Variants in NGF observed in about 807,000 individuals in gnomAD.
The protein encoded by NGF is nerve growth factor, also known as beta-nerve growth factor.
NGF carries 4 observed loss-of-function variants against 12.8 expected under a neutral mutation model. The observed-to-expected ratio is 0.31, with a 90% CI of 0.15 to 0.72. The LOEUF (loss-of-function observed/expected upper bound fraction) is 0.72. Ranked by LOEUF, NGF falls within the 30% of genes least tolerant of loss-of-function variation. The pLI, the probability that NGF is intolerant of heterozygous loss-of-function variation, is 0.69. For missense variants in NGF, 283 were observed against 330.8 expected (o/e 0.86, Z 1.12); for synonymous variants, 140 against 130.0 (o/e 1.08, Z -0.52).
chr1:115,313,079 C>T (rs1295672752), intron 1 of NGF, among the ~76,000 whole-genome samples: 1 of 152,050 alleles, frequency 6.6e-6, no homozygotes, highest in Non-Finnish European at 1.5e-5. Context: ...ATAATAGAGC[C>T]CATAAAACTG....
At chr1:115,299,781 T>C (rs1043415442) in intron 1 of NGF, among the ~76,000 whole-genome samples, 1 of 152,218 alleles carries the variant, frequency 6.6e-6, no homozygotes, top group African/African-American at 2.4e-5. Flanking sequence ...TGGTTCCAAC[T>C]GGCTAATCCT....
At chr1:115,319,488 G>A (rs759831036) in intron 1 of NGF, among the ~76,000 whole-genome samples, 12 of 152,162 alleles carry the variant, frequency 7.9e-5, no homozygotes, top group Non-Finnish European at 1.3e-4. Flanking sequence ...CAAAACCCTC[G>A]CCTCTGGGAT....
At position 115,294,848 on chromosome 1, in the gene NGF, C is replaced by A. The variant is rs142876134; in HGVS notation, c.-136-1098G>T. On this transcript the variant is annotated intron_variant, in intron 1 of 2. Transcript: ENST00000369512. ...GCTGGAGAGCCAGGAAGAGCCAGGTCTACAGAGACACAGCAAGGAGCTATG... is the reference window on the plus strand; with the variant it reads ...GCTGGAGAGCCAGGAAGAGCCAGGTATACAGAGACACAGCAAGGAGCTATG... 7.2e-5 allele frequency among the ~76,000 whole-genome samples: 11 copies of A among 152,264 alleles called. No individual in the cohort carries two copies. The East Asian group carries it at 1.9e-3, about 27-fold the overall frequency.
At chr1:115,288,275 T>C (rs1000057445) in intron 2 of NGF, among the ~76,000 whole-genome samples, 1 of 152,176 alleles carries the variant, frequency 6.6e-6, no homozygotes, top group Non-Finnish European at 1.5e-5. Flanking sequence ...GCATTGGGTC[T>C]GGGGGTTAGA....
At chr1:115,331,327 C>T (rs925354635) in intron 1 of NGF, among the ~76,000 whole-genome samples, 3 of 152,156 alleles carry the variant, frequency 2.0e-5, no homozygotes, top group Admixed American at 1.3e-4. Flanking sequence ...TATCTGTGTG[C>T]CAGGACTCCT....
At chr1:115,330,810 T>G (rs1042360179) in intron 1 of NGF, among the ~76,000 whole-genome samples, 2 of 152,230 alleles carry the variant, frequency 1.3e-5, no homozygotes, top group Non-Finnish European at 2.9e-5. Context: ...TTACGAATTT[T>G]TTTTATTCCT....
intron 1 of NGF, among the ~76,000 whole-genome samples, chr1:115,295,953 G>C (rs1653854622): frequency 6.6e-6 from 1 of 152,236 alleles, no homozygotes; most frequent in Non-Finnish European, 1.5e-5. Context: ...AAGTAATCTA[G>C]AGATAGGAAA....
chr1:115,337,251 TTTTTG>T (rs1655135060), intron 1 of NGF, among the ~76,000 whole-genome samples: 1 of 143,980 alleles, frequency 6.9e-6, no homozygotes, highest in African/African-American at 2.8e-5. Context: ...CTCGAAATTT[TTTTTG>T]TTTTGTTTTT....
At chr1:115,301,704 T>C (rs1454893912) in intron 1 of NGF, among the ~76,000 whole-genome samples, 1 of 152,218 alleles carries the variant, frequency 6.6e-6, no homozygotes, top group Non-Finnish European at 1.5e-5. Context: ...TCTGCAATCA[T>C]TTGCCAACAA....
chr1:115,333,121 A>G (rs1365941188), intron 1 of NGF, among the ~76,000 whole-genome samples: 1 of 152,160 alleles, frequency 6.6e-6, no homozygotes, highest in Non-Finnish European at 1.5e-5. Flanking sequence ...TGAGCTCTTG[A>G]GACCATCCTC....
chr1:115,288,108 C>T (rs1653573025), intron 2 of NGF, among the ~76,000 whole-genome samples: 1 of 152,196 alleles, frequency 6.6e-6, no homozygotes, highest in Non-Finnish European at 1.5e-5. Context: ...CAGATACGAC[C>T]TAGTCCTCGA....
intron 1 of NGF, among the ~76,000 whole-genome samples, chr1:115,333,034 G>A (rs915502218): frequency 6.6e-6 from 1 of 152,156 alleles, no homozygotes; most frequent in African/African-American, 2.4e-5. Flanking sequence ...CATTACTAAT[G>A]AGGGTTGTAA....
chr1:115,337,261 G>GTTT (rs368973980), intron 1 of NGF, among the ~76,000 whole-genome samples: 33 of 11,762 alleles, frequency 2.8e-3, no homozygotes, highest in Non-Finnish European at 4.8e-3. Flanking sequence ...TTTTTGTTTT[G>GTTT]TTTTTGTTTT....
chr1:115,301,563 C>T (rs1233250998), intron 1 of NGF, among the ~76,000 whole-genome samples: 1 of 152,194 alleles, frequency 6.6e-6, no homozygotes, highest in Non-Finnish European at 1.5e-5. Flanking sequence ...TCCCATGCCC[C>T]CATCTGGCCC....
intron 1 of NGF, among the ~76,000 whole-genome samples, chr1:115,337,247 ATTTTTTTTGTTTTGTTTTTGTTTTTTTTT>A (rs1655134472): frequency 2.3e-5 from 2 of 87,932 alleles, no homozygotes; most frequent in Non-Finnish European, 5.0e-5. Flanking sequence ...GAATCTCGAA[ATTTTTTTTGTTTTGTTTTTGTTTTTTTTT>A]TTTTTTTTTT....
At chr1:115,303,538 A>C (rs1238787423) in intron 1 of NGF, among the ~76,000 whole-genome samples, 2 of 150,528 alleles carry the variant, frequency 1.3e-5, no homozygotes, top group Non-Finnish European at 1.5e-5. Flanking sequence ...CACCACTACC[A>C]CCTCCTCCGT....
intron 1 of NGF, among the ~76,000 whole-genome samples, chr1:115,308,925 G>T (rs1334434543): frequency 1.4e-5 from 2 of 146,518 alleles, no homozygotes; most frequent in South Asian, 2.1e-4. Context: ...TGGTGTTAAA[G>T]ATTTGTGTTT....
intron 1 of NGF, among the ~76,000 whole-genome samples, chr1:115,317,705 C>T (rs763687635): frequency 2.0e-5 from 3 of 152,164 alleles, no homozygotes; most frequent in Non-Finnish European, 4.4e-5. Context: ...AGTCAGGAGA[C>T]CTTAGTCAAG....
intron 1 of NGF, among the ~76,000 whole-genome samples, chr1:115,299,786 A>C (rs1653978742): frequency 6.6e-6 from 1 of 152,192 alleles, no homozygotes; most frequent in African/African-American, 2.4e-5. Context: ...CCAACTGGCT[A>C]ATCCTTAAAC....
Sources: allele counts gnomAD v4.1 joint callset (sites outside exome capture counted in the v4.1 genomes callset), GRCh38; gene constraint gnomAD v4.1.1; transcripts MANE v1.5; gene names NCBI Gene and HGNC (gene_info 2026-07-23, HGNC 2026-07-21).